The following BDP1 variants were observed in gnomAD, a reference collection of about 807,000 sequenced individuals.
BDP1 encodes BDP1 general transcription factor IIIB subunit, also known as transcription factor TFIIIB component B'' homolog.
A neutral mutation model predicts 266.6 loss-of-function variants in BDP1; 169 were observed. The observed-to-expected ratio is 0.63, with a 90% CI of 0.56 to 0.72. The LOEUF (loss-of-function observed/expected upper bound fraction) is 0.72. BDP1 is among the 30% of genes least tolerant of loss of function. BDP1 has a pLI of 0.00. For missense variants in BDP1, 3,015 were observed against 3,053.8 expected (o/e 0.99, Z 0.30); for synonymous variants, 1,090 against 1,022.4 (o/e 1.07, Z -1.26).
intron 19 of BDP1, among the ~76,000 whole-genome samples, chr5:71,514,529 CATTA>C (rs989134869): frequency 6.6e-6 from 1 of 152,058 alleles, no homozygotes; most frequent in Non-Finnish European, 1.5e-5. Flanking sequence ...TCCAAAATGA[CATTA>C]ATTCTTGCTT....
intron 19 of BDP1, among the ~76,000 whole-genome samples, 155 bp from the exon 20 acceptor site, chr5:71,514,789 G>A (rs900291182): frequency 3.9e-5 from 6 of 152,058 alleles, no homozygotes; most frequent in Non-Finnish European, 7.4e-5. Flanking sequence ...GTATTTATAA[G>A]ATACATTTCT....
In BDP1 at chr5:71,534,782, C is replaced by G. The variant is rs1049690556; in HGVS notation, c.5892+2355C>G. On this transcript the variant is annotated intron_variant, in intron 26 of 38. Transcript: ENST00000358731. ...TCAGCTTCCCGAGTAGCTGGGATTA[C>G]AGGCATATGCCACCACGCCCTGCTA... Among the ~76,000 whole-genome samples the G allele has an allele frequency of 3.3e-5, 5 of 152,300 alleles. No individual in the cohort carries two copies. In the South Asian group the frequency reaches 8.3e-4, roughly 25 times the overall value.
intron 15 of BDP1, 48 bp downstream of exon 15, chr5:71,502,839 G>A (rs777641913): frequency 2.1e-6 from 3 of 1,436,146 alleles, no homozygotes; most frequent in African/African-American, 1.4e-5. Context: ...AAGTACATGA[G>A]CCTTAATATA....
intron 7 of BDP1, among the ~76,000 whole-genome samples, chr5:71,479,549 C>T (rs1193492466): frequency 6.7e-6 from 1 of 149,066 alleles, no homozygotes; most frequent in African/African-American, 2.5e-5. Context: ...GGATCTTTTT[C>T]TTTTTCTTTT....
chr5:71,459,771 T>A (rs1761428043), intron 2 of BDP1, among the ~76,000 whole-genome samples: 1 of 152,270 alleles, frequency 6.6e-6, no homozygotes, highest in Non-Finnish European at 1.5e-5. Context: ...TTAATCTATT[T>A]CCTCATCTGT....
chr5:71,495,426 T>G lies in BDP1; in HGVS notation c.1799+18T>G. 2 of 1,508,874 alleles carry G rather than the reference T, an allele frequency of 1.3e-6. No individual in the cohort carries two copies. The highest frequency in any genetic ancestry group is 1.8e-6 in the Non-Finnish European group (2 of 1,110,714). 93.5% of individuals were successfully genotyped at this position (1,508,874 alleles called of 1,614,324 possible). A position where few individuals can be genotyped will look rare whatever the true frequency, so the allele number is the denominator to read the frequency against. On this transcript the variant is annotated intron_variant, in intron 12 of 38. Transcript: ENST00000358731. ...AATTCACTGTAAGTATTTTATACGA[T>G]AGGATTTATTTATAAAATTTTGATA...
downstream of BDP1, among the ~76,000 whole-genome samples, chr5:71,571,913 G>A (rs920294582): frequency 2.0e-5 from 3 of 152,148 alleles, no homozygotes; most frequent in African/African-American, 7.2e-5. Flanking sequence ...GAGCCGAAAA[G>A]GCCAAAGGGA....
intron 30 of BDP1, among the ~76,000 whole-genome samples, chr5:71,543,410 A>G (rs1767088279): frequency 6.6e-6 from 1 of 152,216 alleles, no homozygotes; most frequent in Non-Finnish European, 1.5e-5. Context: ...CAGCTTGGGC[A>G]ATATAGGGAG....
At chr5:71,467,985 C>T (rs996154564) in intron 6 of BDP1, among the ~76,000 whole-genome samples, 6 of 152,204 alleles carry the variant, frequency 3.9e-5, no homozygotes, top group African/African-American at 1.4e-4. Flanking sequence ...GCACTACAGG[C>T]GTGTGCCACC....
chr5:71,541,405 C>A, intron 28 of BDP1, 49 bp from the exon 29 acceptor site: 1 of 707,402 alleles, frequency 1.4e-6, no homozygotes, highest in Non-Finnish European at 2.2e-6. Context: ...TTATTTTGAG[C>A]ATCTATAATT....
chr5:71,549,460 A>T lies in BDP1; in HGVS notation c.6849A>T (p.Glu2283Asp). The change falls in exon 34 of 39, where the codon GAA becomes GAT. Residue 2283 changes from glutamate (E) to aspartate (D), a missense_variant. By Grantham distance (45) the Glu-to-Asp change is conservative. This residue lies in a region of BDP1 where 629 missense variants were observed against 632.5 expected (regional missense o/e 0.99). Coordinates refer to ENST00000358731, the MANE Select transcript of BDP1 (RefSeq NM_018429.3). The part of the protein sequence containing the change: ...VANVPQDGED[E>D]QAFILTLVEI... ...ATGTACCTCAAGATGGAGAAGATGA[A>T]CAAGCCTTTATTTTAACTCTGGTGG... 1 of 1,614,118 alleles carries T rather than the reference A, an allele frequency of 6.2e-7. No homozygotes were observed. Among genetic ancestry groups the T allele is most frequent in the African/African-American group, 1.3e-5 (1 of 75,052 alleles).
chr5:71,535,671 G>A (rs1196257798), intron 26 of BDP1, among the ~76,000 whole-genome samples: 1 of 152,136 alleles, frequency 6.6e-6, no homozygotes, highest in Non-Finnish European at 1.5e-5. Context: ...TGTCACCAAT[G>A]TTGGTTCCTT....
chr5:71,553,064 T>G, intron 34 of BDP1, 52 bp from the exon 35 acceptor site: 2 of 1,386,292 alleles, frequency 1.4e-6, no homozygotes, highest in Non-Finnish European at 9.9e-7. Context: ...AAAAAAAAAG[T>G]GTTAAATAAC....
chr5:71,525,484 CG>C lies in BDP1; in HGVS notation c.5772+1167del, dbSNP rs1252459103. Among the ~76,000 whole-genome samples the C allele has an allele frequency of 1.3e-3, 163 of 125,852 alleles. 3 individuals are homozygous for C. The highest frequency in any genetic ancestry group is 4.7e-3 in the African/African-American group (150 of 32,256). The allele number at this position is 125,852 out of a possible 152,430, so 82.6% of individuals were successfully genotyped here. ...CTCCCGGACGGGGCGGCTGGCCGGG[CG>C]GGGGGCTGACACCCCTACCTCCCTC... On this transcript the variant is annotated intron_variant, in intron 25 of 38. Transcript: ENST00000358731.
At chr5:71,530,962 T>C (rs1766207776) in intron 25 of BDP1, among the ~76,000 whole-genome samples, 1 of 152,048 alleles carries the variant, frequency 6.6e-6, no homozygotes, top group Non-Finnish European at 1.5e-5. Context: ...TAGTCCCAGC[T>C]ACTTGGAGGG....
intron 6 of BDP1, among the ~76,000 whole-genome samples, chr5:71,468,884 C>A (rs962807956): frequency 6.6e-6 from 1 of 151,494 alleles, no homozygotes; most frequent in East Asian, 2.0e-4. Flanking sequence ...TGGGATTACA[C>A]GCGTGAGCCA....
At chr5:71,486,130 GTA>G (rs1438814711) in intron 8 of BDP1, among the ~76,000 whole-genome samples, 9 of 152,120 alleles carry the variant, frequency 5.9e-5, no homozygotes, top group Admixed American at 4.6e-4. Flanking sequence ...CTTCCACTCA[GTA>G]TGTTTTTGAG....
In BDP1 at chr5:71,542,223, A is replaced by G. The variant is rs200080464; in HGVS notation, c.6370A>G (p.Ser2124Gly). ...GCTTGATGATTATCAGGAAGTTTCC[A>G]GTTTGTGTGTAACCAAAGGGGCAGA... ...NRLDDYQEVS[S>G]LCVTKGAEME... Residue 2124 changes from serine (S) to glycine (G), a missense_variant, in exon 30 of 39, where the codon AGT becomes GGT. Physicochemically the swap from Ser to Gly is moderately conservative, Grantham distance 56. Around this residue, in one of 3 missense-constraint regions of BDP1, gnomAD observed 629 missense variants for 632.5 expected, o/e 0.99. Coordinates refer to ENST00000358731, the MANE Select transcript of BDP1 (RefSeq NM_018429.3). 196 of 1,613,424 alleles carry G rather than the reference A, an allele frequency of 1.2e-4. No homozygotes were observed. The African/African-American group carries it at 2.2e-3, about 18-fold the overall frequency.
chr5:71,524,883 T>C (rs533409634), intron 25 of BDP1, among the ~76,000 whole-genome samples: 11 of 151,172 alleles, frequency 7.3e-5, no homozygotes, highest in African/African-American at 2.7e-4. Context: ...AAGCACATCT[T>C]GCACCACCCT....
Sources: allele counts gnomAD v4.1 joint callset (sites outside exome capture counted in the v4.1 genomes callset), GRCh38; gene constraint gnomAD v4.1.1; regional missense constraint gnomAD v4.1.1; transcripts MANE v1.5; gene names NCBI Gene and HGNC (gene_info 2026-07-23, HGNC 2026-07-21).